The following SLC9A9 variants were observed in gnomAD, a reference collection of about 807,000 sequenced individuals.
The protein encoded by SLC9A9 is sodium/hydrogen exchanger 9.
In SLC9A9, 62 loss-of-function variants were observed where a neutral mutation model predicts 77.8. The ratio of observed to expected loss-of-function variants is 0.80; its 90% CI spans 0.65 to 0.98. SLC9A9 has a LOEUF of 0.98. SLC9A9 is among the 50% of genes least tolerant of loss of function. SLC9A9 has a pLI of 0.00. For missense variants in SLC9A9, 775 were observed against 774.9 expected, an observed-to-expected ratio of 1.00 and a Z score of 0.00; for synonymous variants, 320 against 283.5, an observed-to-expected ratio of 1.13 and a Z score of -1.29.
chr3:143,756,026 GC>G (rs1213001022), intron 4 of SLC9A9, among the ~76,000 whole-genome samples: 2 of 152,158 alleles, frequency 1.3e-5, no homozygotes, highest in Non-Finnish European at 2.9e-5. Context: ...GCTGTGTCAT[GC>G]CTTAGGCAAT....
At chr3:143,409,169 C>T (rs1165594992) in intron 12 of SLC9A9, among the ~76,000 whole-genome samples, 2 of 152,184 alleles carry the variant, frequency 1.3e-5, no homozygotes, top group Non-Finnish European at 2.9e-5. Context: ...TCAGTTACCA[C>T]CACTGGTATT....
intron 6 of SLC9A9, among the ~76,000 whole-genome samples, chr3:143,622,065 A>C (rs1317735852): frequency 1.3e-5 from 2 of 152,216 alleles, no homozygotes; most frequent in East Asian, 1.9e-4. Context: ...AGTTTAGAGA[A>C]AAAAGAATAA....
At chr3:143,726,843 T>C (rs1934667358) in intron 4 of SLC9A9, among the ~76,000 whole-genome samples, 1 of 152,216 alleles carries the variant, frequency 6.6e-6, no homozygotes, top group South Asian at 2.1e-4. Context: ...AGAGTAGTTA[T>C]CTTTCCTTAA....
chr3:143,804,128 C>T (rs1353074825), intron 2 of SLC9A9, among the ~76,000 whole-genome samples: 1 of 152,178 alleles, frequency 6.6e-6, no homozygotes, highest in East Asian at 1.9e-4. Flanking sequence ...TGTTCCTTCA[C>T]TCTTCATCTC....
intron 5 of SLC9A9, among the ~76,000 whole-genome samples, chr3:143,691,979 T>C (rs1276094143): frequency 6.6e-6 from 1 of 152,076 alleles, no homozygotes; most frequent in Non-Finnish European, 1.5e-5. Context: ...CAATCACTAT[T>C]TGCCTCTGGA....
chr3:143,452,575 A>C (rs951385230), intron 12 of SLC9A9, among the ~76,000 whole-genome samples: 1 of 151,652 alleles, frequency 6.6e-6, no homozygotes, highest in South Asian at 2.1e-4. Flanking sequence ...AAAATATCTT[A>C]TAAGTTTTTG....
At chr3:143,672,332 A>C (rs1429071282) in intron 5 of SLC9A9, among the ~76,000 whole-genome samples, 1 of 152,226 alleles carries the variant, frequency 6.6e-6, no homozygotes, top group Non-Finnish European at 1.5e-5. Context: ...AAGGTGAAAA[A>C]GAACAATATC....
chr3:143,771,104 C>G (rs1395072573), intron 4 of SLC9A9, among the ~76,000 whole-genome samples: 1 of 152,022 alleles, frequency 6.6e-6, no homozygotes, highest in Admixed American at 6.6e-5. Flanking sequence ...ATCCAAATGA[C>G]AAAGGTGAGA....
chr3:143,292,755 G>A (rs1189446084), intron 14 of SLC9A9, among the ~76,000 whole-genome samples: 1 of 152,128 alleles, frequency 6.6e-6, no homozygotes, highest in Non-Finnish European at 1.5e-5. Context: ...CCTCGGAAGA[G>A]AGATATGACC....
At chr3:143,829,466 C>T (rs569077419) in intron 2 of SLC9A9, among the ~76,000 whole-genome samples, 1 of 152,088 alleles carries the variant, frequency 6.6e-6, no homozygotes, top group South Asian at 2.1e-4. Context: ...TACTGCCTAC[C>T]CAAAGCCCTT....
At chr3:143,729,411 A>G (rs16854223) in intron 4 of SLC9A9, among the ~76,000 whole-genome samples, 3,871 of 152,292 alleles carry the variant, frequency 0.025, 173 homozygotes, top group African/African-American at 0.089. Context: ...AATAGATGAC[A>G]TGAACTAGGT....
chr3:143,738,031 A>G (rs1313312233), intron 4 of SLC9A9, among the ~76,000 whole-genome samples: 1 of 152,158 alleles, frequency 6.6e-6, no homozygotes, highest in Admixed American at 6.5e-5. Context: ...TTTTTGGTGC[A>G]TTTCCCTTTA....
intron 14 of SLC9A9, among the ~76,000 whole-genome samples, chr3:143,270,353 C>T (rs532449693): frequency 1.9e-4 from 29 of 152,276 alleles, no homozygotes; most frequent in African/African-American, 6.0e-4. Flanking sequence ...AATCCAAAGG[C>T]TCCCTCTGCT....
At chr3:143,539,667 A>G in intron 9 of SLC9A9, among the ~76,000 whole-genome samples, 1 of 152,176 alleles carries the variant, frequency 6.6e-6, no homozygotes, top group Non-Finnish European at 1.5e-5. Context: ...TGCCATTGCC[A>G]TCCTTAGAAA....
intron 6 of SLC9A9, among the ~76,000 whole-genome samples, chr3:143,602,645 G>A (rs2037863686): frequency 1.3e-5 from 2 of 152,084 alleles, no homozygotes; most frequent in African/African-American, 4.8e-5. Flanking sequence ...CAATTCTATA[G>A]TCTAAAATTA....
In SLC9A9 at chr3:143,553,869, A is replaced by G. The variant is rs143133149; in HGVS notation, c.1001-1419T>C. On this transcript the variant is annotated intron_variant, in intron 8 of 15. Coordinates refer to ENST00000316549, the MANE Select transcript of SLC9A9 (RefSeq NM_173653.4). ...GGCAAAAATTCTTATAAACTATTTT[A>G]CTATTCACAGAATTTCTATTTTAAA... is the stretch of plus-strand genomic sequence containing the variant. Among the ~76,000 whole-genome samples the G allele has an allele frequency of 3.5e-3, 533 of 152,354 alleles. 1 individual carries two copies. Among genetic ancestry groups the G allele is most frequent in the African/African-American group, 0.012 (502 of 41,588 alleles).
At chr3:143,557,948 T>C (rs529871684) in intron 8 of SLC9A9, among the ~76,000 whole-genome samples, 3 of 152,238 alleles carry the variant, frequency 2.0e-5, no homozygotes, top group East Asian at 3.9e-4. Flanking sequence ...ACCAAAACAA[T>C]GGGGAAAATG....
intron 4 of SLC9A9, among the ~76,000 whole-genome samples, chr3:143,723,282 C>T (rs1431775956): frequency 6.6e-6 from 1 of 151,952 alleles, no homozygotes. Flanking sequence ...AACAAAGGCC[C>T]ACGTTTCTGA....
chr3:143,779,367 G>T (rs1307150744), intron 4 of SLC9A9, among the ~76,000 whole-genome samples: 2 of 151,766 alleles, frequency 1.3e-5, no homozygotes, highest in African/African-American at 4.8e-5. Context: ...CAGTTTTTTG[G>T]GTTTTTTGTT....
Sources: gnomAD v4.1 joint callset for allele counts (sites outside exome capture counted in the v4.1 genomes callset) on GRCh38, gnomAD v4.1.1 for gene constraint, MANE v1.5 for transcripts, NCBI Gene and HGNC (gene_info 2026-07-23, HGNC 2026-07-21) for gene names.